Variants in ZBTB20 observed in about 807,000 individuals in gnomAD.
ZBTB20 encodes zinc finger and BTB domain containing 20, also known as zinc finger and BTB domain-containing protein 20.
A neutral mutation model predicts 56.9 loss-of-function variants in ZBTB20; 9 were observed. That is an observed-to-expected ratio of 0.16 (90% CI 0.10 to 0.28). The LOEUF (loss-of-function observed/expected upper bound fraction) is 0.28, where lower values mean the gene tolerates loss of function less well. Ranked by LOEUF, ZBTB20 falls within the 10% of genes least tolerant of loss-of-function variation. The pLI, the probability that ZBTB20 is intolerant of heterozygous loss-of-function variation, is 1.00. For missense variants in ZBTB20, 655 were observed against 1,003.0 expected, an observed-to-expected ratio of 0.65 and a Z score of 4.69; for synonymous variants, 417 against 420.7, an observed-to-expected ratio of 0.99 and a Z score of 0.11.
At chr3:114,880,510 T>C (rs2076360121) in intron 4 of ZBTB20, among the ~76,000 whole-genome samples, 1 of 152,224 alleles carries the variant, frequency 6.6e-6, no homozygotes, top group African/African-American at 2.4e-5. Flanking sequence ...GTGTAAATGG[T>C]ATAGCTAAAT....
chr3:115,033,100 G>C (rs898117343), intron 2 of ZBTB20, among the ~76,000 whole-genome samples: 2 of 150,190 alleles, frequency 1.3e-5, no homozygotes, highest in African/African-American at 4.9e-5. Context: ...ATATTAATAA[G>C]ATTGACAAAC....
chr3:114,750,628 C>T (rs1019635920), intron 5 of ZBTB20, among the ~76,000 whole-genome samples: 1 of 152,094 alleles, frequency 6.6e-6, no homozygotes, highest in Non-Finnish European at 1.5e-5. Context: ...CAGCTTGGTA[C>T]TCAACTGTCA....
At chr3:114,603,971 G>A (rs995402610) in intron 6 of ZBTB20, among the ~76,000 whole-genome samples, 1 of 151,920 alleles carries the variant, frequency 6.6e-6, no homozygotes, top group East Asian at 1.9e-4. Context: ...TCCAACTCCT[G>A]TCGAGATCAA....
intron 5 of ZBTB20, among the ~76,000 whole-genome samples, chr3:114,706,870 A>G (rs1304503646): frequency 6.6e-6 from 1 of 152,110 alleles, no homozygotes; most frequent in Non-Finnish European, 1.5e-5. Context: ...TGACGAGAGT[A>G]GTTTAATTTA....
At chr3:114,432,906 T>C (rs1223910314) in intron 7 of ZBTB20, among the ~76,000 whole-genome samples, 2 of 152,136 alleles carry the variant, frequency 1.3e-5, no homozygotes, top group African/African-American at 2.4e-5. Context: ...TTAATGTAGC[T>C]GGTACAGATC....
intron 6 of ZBTB20, among the ~76,000 whole-genome samples, chr3:114,596,404 T>C (rs1376012411): frequency 1.3e-5 from 2 of 152,126 alleles, no homozygotes; most frequent in Admixed American, 6.5e-5. Context: ...TTATACGTAA[T>C]GGGAAACATG....
chr3:114,985,530 C>T (rs10934280), intron 2 of ZBTB20, among the ~76,000 whole-genome samples: 36,580 of 152,004 alleles, frequency 0.24, 4,741 homozygotes, highest in Middle Eastern at 0.32. Flanking sequence ...GTTTCCTTCA[C>T]ACTTCCCCAT....
chr3:114,846,057 T>A (rs1231727201), intron 4 of ZBTB20, among the ~76,000 whole-genome samples: 1 of 152,036 alleles, frequency 6.6e-6, no homozygotes, highest in East Asian at 1.9e-4. Flanking sequence ...TATAGATAGG[T>A]GGTTAGATAA....
At chr3:114,557,107 A>G (rs2051330722) in intron 6 of ZBTB20, among the ~76,000 whole-genome samples, 1 of 152,042 alleles carries the variant, frequency 6.6e-6, no homozygotes. Context: ...AAATTAGGGA[A>G]GATTAACAAC....
chr3:114,853,297 C>A (rs1392820105), intron 4 of ZBTB20, among the ~76,000 whole-genome samples: 1 of 152,186 alleles, frequency 6.6e-6, no homozygotes, highest in East Asian at 1.9e-4. Context: ...GGATGTTCTA[C>A]CTGCTGCCTA....
chr3:114,745,340 T>C (rs190337914), intron 5 of ZBTB20, among the ~76,000 whole-genome samples: 11 of 152,260 alleles, frequency 7.2e-5, no homozygotes, highest in Admixed American at 2.0e-4. Flanking sequence ...CCAATGCCCA[T>C]TCATTAGATA....
At chr3:114,934,677 C>T (rs1390894307) in intron 3 of ZBTB20, among the ~76,000 whole-genome samples, 1 of 151,860 alleles carries the variant, frequency 6.6e-6, no homozygotes, top group African/African-American at 2.4e-5. Flanking sequence ...TCATACAGGT[C>T]ATGATAAACT....
intron 7 of ZBTB20, among the ~76,000 whole-genome samples, chr3:114,456,176 T>C (rs1170320846): frequency 3.3e-5 from 5 of 151,190 alleles, no homozygotes; most frequent in South Asian, 2.1e-4. Flanking sequence ...ACATTTCCAC[T>C]TTATATATAT....
intron 4 of ZBTB20, among the ~76,000 whole-genome samples, chr3:114,822,193 T>C (rs2073292397): frequency 6.6e-6 from 1 of 152,124 alleles, no homozygotes; most frequent in African/African-American, 2.4e-5. Flanking sequence ...AGAAGTTGTA[T>C]GGCACTTGCA....
chr3:114,737,059 G>A (rs975431116), intron 5 of ZBTB20, among the ~76,000 whole-genome samples: 4 of 152,152 alleles, frequency 2.6e-5, no homozygotes, highest in Non-Finnish European at 4.4e-5. Context: ...AATGCTTAGT[G>A]ATTATTGCAA....
chr3:114,361,527 G>A (rs2081881989), intron 10 of ZBTB20, among the ~76,000 whole-genome samples: 1 of 152,170 alleles, frequency 6.6e-6, no homozygotes, highest in East Asian at 1.9e-4. Context: ...CCAGGTTTTT[G>A]TATACTTTAT....
At chr3:114,349,533 A>G (rs2080471069) in intron 11 of ZBTB20, among the ~76,000 whole-genome samples, 1 of 152,222 alleles carries the variant, frequency 6.6e-6, no homozygotes, top group Non-Finnish European at 1.5e-5. Context: ...CTAATTACAG[A>G]AACTCACTCC....
chr3:115,053,905 G>A (rs2081650537), intron 2 of ZBTB20, among the ~76,000 whole-genome samples: 1 of 152,054 alleles, frequency 6.6e-6, no homozygotes, highest in Non-Finnish European at 1.5e-5. Context: ...TTAGTCTGTG[G>A]TTGGTTTATC....
chr3:114,920,460 T>G (rs1183493908), intron 3 of ZBTB20, among the ~76,000 whole-genome samples: 1 of 151,912 alleles, frequency 6.6e-6, no homozygotes, highest in Non-Finnish European at 1.5e-5. Context: ...TAGAAATCAA[T>G]CAAAGGAGAA....
Sources: gnomAD v4.1 joint callset for allele counts (sites outside exome capture counted in the v4.1 genomes callset) on GRCh38, gnomAD v4.1.1 for gene constraint, MANE v1.5 for transcripts, NCBI Gene and HGNC (gene_info 2026-07-23, HGNC 2026-07-21) for gene names.